TTN: variants seen among roughly 807,000 people sequenced by gnomAD.
TTN encodes the protein connectin.
Under a neutral mutation model 3,223.0 loss-of-function variants are expected in TTN, and 1,525 were observed. The ratio of observed to expected loss-of-function variants is 0.47; its 90% CI spans 0.45 to 0.49. The LOEUF is 0.49. TTN is among the 20% of genes least tolerant of loss of function. TTN has a pLI of 0.00. For missense variants in TTN, 40,786 were observed against 43,424.0 expected, an observed-to-expected ratio of 0.94 and a Z score of 5.40; for synonymous variants, 14,094 against 15,161.0, an observed-to-expected ratio of 0.93 and a Z score of 5.17.
Position 178,632,722 on chromosome 2 carries a change from C to T in TTN, c.43284G>A (p.Glu14428=). ...TTTTGGGCTCCCTGGATACTTCACA[C>T]TCAAACTTAGCCTCATCTTTCTCGA... ...KVFEKDEAKF[E]CEVSREPKTF... Residue 14428 remains glutamate, a synonymous_variant, in exon 235 of 363, where the codon GAG becomes GAA. Coordinates refer to ENST00000589042, the MANE Select transcript of TTN (RefSeq NM_001267550.2). 1 of 1,613,368 alleles carries T rather than the reference C, an allele frequency of 6.2e-7. No individual in the cohort carries two copies. The highest frequency in any genetic ancestry group is 8.5e-7 in the Non-Finnish European group (1 of 1,179,558).
At position 178,592,251 on chromosome 2, in the gene TTN, C is replaced by T. The variant is rs777362856; in HGVS notation, c.59653G>A (p.Glu19885Lys). ...GAATCTTTCCTAATTTCACTGACTT[C>T]CAGATCTCTAGGTGGCCCAGGTTTA... The part of the protein sequence containing the change: ...LDKPGPPRDL[E>K]VSEIRKDSCY... The change falls in exon 302 of 363, where the codon GAA becomes AAA. Residue 19885 changes from glutamate (E) to lysine (K), a missense_variant. Glu to Lys is a moderately conservative substitution (Grantham distance 56, BLOSUM62 1). Transcript: ENST00000589042. The T allele has an allele frequency of 5.0e-6, 8 of 1,611,708 alleles. No homozygotes were observed. The highest frequency in any genetic ancestry group is 1.7e-4 in the Middle Eastern group (1 of 6,048).
At position 178,663,675 on chromosome 2, in the gene TTN, T is replaced by C. The variant is rs1482595599; in HGVS notation, c.36484A>G (p.Lys12162Glu). 2.5e-6 allele frequency: 4 copies of C among 1,613,548 alleles called. No individual in the cohort carries two copies. The highest frequency in any genetic ancestry group is 3.4e-6 in the Non-Finnish European group (4 of 1,179,756). Residue 12162 changes from lysine (K) to glutamate (E), a missense_variant, in exon 171 of 363, where the codon AAA (lysine) becomes GAA (glutamate). Coordinates refer to ENST00000589042, the MANE Select transcript of TTN (RefSeq NM_001267550.2). The part of the protein sequence containing the change: ...EPPKEVVPEK[K>E]APVAPPKEPE... ...TCTTTAGGAGGAGCCACTGGCGCTT[T>C]CTTTTCAGGAACTACTTCTTTGGGA... is the stretch of plus-strand genomic sequence containing the variant.
rs1446305374 is a variant in TTN, at chr2:178,722,218, A to G, written c.22528+41T>C. The G allele has an allele frequency of 3.3e-6, 5 of 1,531,602 alleles. No individual in the cohort carries two copies. The East Asian group carries it at 1.1e-4, about 35-fold the overall frequency. 94.9% of individuals were successfully genotyped at this position (1,531,602 alleles called of 1,614,324 possible). On this transcript the variant is annotated intron_variant, in intron 77 of 362. Transcript: ENST00000589042. ...TTTCTACTTTGACAATGAAATATGA[A>G]GCCACAGTTTGCAAAGAAAAAGAGT... is the stretch of plus-strand genomic sequence containing the variant.
chr2:178,789,052 A>G (rs2093353959), intron 13 of TTN, among the ~76,000 whole-genome samples: 2 of 152,090 alleles, frequency 1.3e-5, no homozygotes, highest in Non-Finnish European at 2.9e-5. Flanking sequence ...AAAAATGTTC[A>G]TGGGCCTCTT....
chr2:178,800,373 T>C (rs1011096787), intron 4 of TTN, 22 bp downstream of exon 4: 2 of 1,614,058 alleles, frequency 1.2e-6, no homozygotes, highest in Non-Finnish European at 1.7e-6. Flanking sequence ...CTTCTCTCTG[T>C]TCCTCAACCT....
In TTN at chr2:178,723,464, AG is replaced by A; in HGVS notation, c.21635del (p.Ser7212LeufsTer15). 2.5e-6 allele frequency: 4 copies of A among 1,613,330 alleles called. No individual in the cohort carries two copies. Among genetic ancestry groups the A allele is most frequent in the Non-Finnish European group, 3.4e-6 (4 of 1,179,578 alleles). ...SQSGEYTCVV[S>X]NNAGQASCTT... ...TGCAAGATGCTTGGCCAGCGTTGTTAGAAACCACACAGGTGTATTCCCCACT... is the reference window on the plus strand; with the variant it reads ...TGCAAGATGCTTGGCCAGCGTTGTTAAAACCACACAGGTGTATTCCCCACT... On this transcript the variant is annotated frameshift_variant, in exon 74 of 363. Transcript: ENST00000589042. LOFTEE classifies it high-confidence loss of function.
rs374084427 is a variant in TTN at position 178,548,321 on chromosome 2, T to C, written c.93305A>G (p.Tyr31102Cys). The C allele has an allele frequency of 3.7e-5, 59 of 1,613,604 alleles. No homozygotes were observed. The highest frequency in any genetic ancestry group is 4.5e-5 in the East Asian group (2 of 44,888). ...GGCTACAATTGGTTCTGGCATTTCA[T>C]AGGGCTCACCAACACCATACTCATT... ...AVNEYGVGEP[Y>C]EMPEPIVATE... The change falls in exon 339 of 363, where the codon TAT becomes TGT. Residue 31102 changes from tyrosine to cysteine, a missense_variant. Transcript: ENST00000589042. The surrounding 1 kb of genome is among the most constrained non-coding windows in gnomAD (Gnocchi z 4.3).
At chr2:178,742,457 C>A (rs182190165) in intron 47 of TTN, among the ~76,000 whole-genome samples, 2 of 152,096 alleles carry the variant, frequency 1.3e-5, no homozygotes, top group African/African-American at 4.8e-5. Flanking sequence ...GTAAGAGAAC[C>A]ACTGTTTTCA....
rs753529838 is a variant in TTN at position 178,727,289 on chromosome 2, A to G, written c.20076T>C (p.Ala6692=). 1.9e-6 allele frequency: 3 copies of G among 1,613,108 alleles called. No homozygotes were observed. In the South Asian group the frequency reaches 3.3e-5, roughly 18 times the overall value. Residue 6692 remains alanine, a synonymous_variant, in exon 69 of 363, where the codon GCT becomes GCC. Coordinates refer to ENST00000589042, the MANE Select transcript of TTN (RefSeq NM_001267550.2). Reference sequence around the variant, plus strand: ...ACACAACTCTGATTTCTGGGGATCCAGCTATCTTGCATTCAAGTCGTGAAG... The same window carrying G: ...ACACAACTCTGATTTCTGGGGATCCGGCTATCTTGCATTCAAGTCGTGAAG... ...GDSSRLECKI[A]GSPEIRVVWF...
rs369644477 is a variant in TTN, at chr2:178,783,756, A to T, written c.2805T>A (p.Pro935=). Residue 935 remains proline (P), a synonymous_variant, in exon 17 of 363, where the codon CCT becomes CCA. Coordinates refer to ENST00000589042, the MANE Select transcript of TTN (RefSeq NM_001267550.2). ...KVTETARVPA[P]VEIPVTPPTL... ...TTGGTGGAGTAACAGGAATTTCAAC[A>T]GGTGCTGGTACTCTTGCTGTTTCTG... 6.2e-7 allele frequency: 1 copy of T among 1,613,480 alleles called. No homozygotes were observed. Among genetic ancestry groups the T allele is most frequent in the Non-Finnish European group, 8.5e-7 (1 of 1,179,742 alleles).
rs867041175 is a variant in TTN at position 178,598,015 on chromosome 2, C to T, written c.57155G>A (p.Gly19052Glu). The T allele has an allele frequency of 1.2e-6, 2 of 1,613,322 alleles. No individual in the cohort carries two copies. Among genetic ancestry groups the T allele is most frequent in the Non-Finnish European group, 1.7e-6 (2 of 1,179,534 alleles). ...EVRGTKLVVT[G>E]LKEGAFYKFR... ...TTTGTAGAATGCTCCTTCCTTTAAT[C>T]CTGTCACAACAAGCTTTGTTCCTCT... is the stretch of plus-strand genomic sequence containing the variant. The change falls in exon 293 of 363, where the codon GGA (glycine) becomes GAA (glutamate). Residue 19052 changes from glycine to glutamate, a missense_variant. Transcript: ENST00000589042.
At chr2:178,752,292 G>A (rs2085769123) in intron 47 of TTN, among the ~76,000 whole-genome samples, 2 of 151,968 alleles carry the variant, frequency 1.3e-5, no homozygotes, top group Admixed American at 6.6e-5. Flanking sequence ...AAGCAAAAAT[G>A]CATTTCAAAA....
chr2:178,787,807 C>CA (rs2093282425), intron 13 of TTN, among the ~76,000 whole-genome samples: 1 of 152,038 alleles, frequency 6.6e-6, no homozygotes, highest in South Asian at 2.1e-4. Context: ...TATACACACA[C>CA]TTATTGGTGG....
Position 178,678,593 on chromosome 2 carries a change from G to A in TTN, c.33827-96C>T, listed in dbSNP as rs2068632825. ...GATTAAGATAAGGTAATAAAAGTATGACAAAGGTATTCCAAGAAGCATTTT... is the reference window on the plus strand; with the variant it reads ...GATTAAGATAAGGTAATAAAAGTATAACAAAGGTATTCCAAGAAGCATTTT... On this transcript the variant is annotated intron_variant, in intron 143 of 362. Coordinates refer to ENST00000589042, the MANE Select transcript of TTN (RefSeq NM_001267550.2). The A allele has an allele frequency of 3.4e-6, 4 of 1,177,340 alleles. No homozygotes were observed. The Admixed American group carries it at 9.2e-5, about 27-fold the overall frequency. 72.9% of individuals were successfully genotyped at this position (1,177,340 alleles called of 1,614,324 possible).
Position 178,723,046 on chromosome 2 carries a change from C to T in TTN, c.21961G>A (p.Glu7321Lys), listed in dbSNP as rs2078691261. Residue 7321 changes from glutamate to lysine, a missense_variant and splice_region_variant, in exon 75 of 363, where the codon GAA becomes AAA. Transcript: ENST00000589042. The part of the protein sequence containing the change: ...DVCGALVSTL[E>K]PPYFVTELEP... The stretch of plus-strand genomic sequence containing the variant: ...TTTAAGAGACAATAAGACAACACAC[C>T]TAATGTAGATACCAGAGCTCCACAA... 6.2e-6 allele frequency: 10 copies of T among 1,613,002 alleles called. No homozygotes were observed. Among genetic ancestry groups the T allele is most frequent in the Non-Finnish European group, 8.5e-6 (10 of 1,179,462 alleles).
Position 178,721,877 on chromosome 2 carries a change from C to T in TTN, c.22786G>A (p.Asp7596Asn). 6.2e-7 allele frequency: 1 copy of T among 1,612,414 alleles called. No individual in the cohort carries two copies. Among genetic ancestry groups the T allele is most frequent in the South Asian group, 1.1e-5 (1 of 90,788 alleles). ...ACACTGAGCTGAGCTGAGCACATGT[C>T]TTTGCCAACATCATTGGTTGCTTGG... ...TCQATNDVGKDMCSAQLSVKE... is the reference protein window; with the variant it reads ...TCQATNDVGKNMCSAQLSVKE... The change falls in exon 78 of 363, where the codon GAC becomes AAC. Residue 7596 changes from aspartate (D) to asparagine (N), a missense_variant. By Grantham distance (23) the Asp-to-Asn change is conservative. Coordinates refer to ENST00000589042, the MANE Select transcript of TTN (RefSeq NM_001267550.2).
intron 87 of TTN, 69 bp from the exon 88 acceptor site, chr2:178,717,451 T>G (rs936485858): frequency 4.5e-6 from 7 of 1,561,708 alleles, no homozygotes; most frequent in Non-Finnish European, 6.1e-6. Flanking sequence ...AGAAACTAAA[T>G]GGCACCAGCC....
In TTN at chr2:178,769,753, G is replaced by A. The variant is rs1316613829; in HGVS notation, c.8828C>T (p.Thr2943Ile). 1 of 1,613,974 alleles carries A rather than the reference G, an allele frequency of 6.2e-7. No homozygotes were observed. The highest frequency in any genetic ancestry group is 1.1e-5 in the South Asian group (1 of 91,054). ...GTATTCTGCCGAGTCCTCTGTGCTG[G>A]TGTTCATGATGATCAGCTGATGGAG... ...GKLHQLIIMN[T>I]STEDSAEYTF... The change falls in exon 37 of 363, where the codon ACC becomes ATC. Residue 2943 changes from threonine to isoleucine, a missense_variant. Transcript: ENST00000589042.
chr2:178,777,698 G>A lies in TTN; in HGVS notation c.4480+6C>T, dbSNP rs719201. The A allele has an allele frequency of 0.98, 1,576,609 of 1,613,998 alleles. 771,242 individuals are homozygous for A. Among genetic ancestry groups the A allele is most frequent in the Non-Finnish European group, 0.99 (1,170,647 of 1,179,968 alleles). ...TGATTCATGAGCAAAAACTTATCAC[G>A]CTTACCATCATGAAACCAGAACGTC... On this transcript the variant is annotated splice_donor_region_variant and intron_variant, in intron 25 of 362. Coordinates refer to ENST00000589042, the MANE Select transcript of TTN (RefSeq NM_001267550.2).
Sources: gnomAD v4.1 joint callset for allele counts (sites outside exome capture counted in the v4.1 genomes callset) on GRCh38, gnomAD v4.1.1 for gene constraint, Gnocchi (gnomAD v3.1) non-coding constraint, MANE v1.5 for transcripts, NCBI Gene and HGNC (gene_info 2026-07-23, HGNC 2026-07-21) for gene names.